The following NAALADL2 variants were observed in gnomAD, a reference collection of about 807,000 sequenced individuals.
The protein encoded by NAALADL2 is inactive N-acetylated-alpha-linked acidic dipeptidase-like protein 2.
A neutral mutation model predicts 87.2 loss-of-function variants in NAALADL2; 76 were observed. That is an observed-to-expected ratio of 0.87 (90% CI 0.72 to 1.05). The LOEUF (loss-of-function observed/expected upper bound fraction) is 1.05. NAALADL2 is among the 50% of genes least tolerant of loss of function. The pLI, the probability that NAALADL2 is intolerant of heterozygous loss-of-function variation, is 0.00. For synonymous variants in NAALADL2, 354 were observed against 331.0 expected (o/e 1.07, Z -0.75); for missense variants, 1,089 against 945.8 (o/e 1.15, Z -1.99).
intron 11 of NAALADL2, among the ~76,000 whole-genome samples, chr3:175,635,403 C>G (rs1259066335): frequency 6.6e-6 from 1 of 151,924 alleles, no homozygotes; most frequent in South Asian, 2.1e-4. Flanking sequence ...GGCTGCTATT[C>G]TTTTATCATA....
intron 13 of NAALADL2, among the ~76,000 whole-genome samples, chr3:175,763,662 G>A (rs1748325446): frequency 6.6e-6 from 1 of 152,114 alleles, no homozygotes; most frequent in African/African-American, 2.4e-5. Context: ...AATGACAAAG[G>A]ATTTCTATTA....
chr3:175,045,126 T>G (rs1357552058), intron 1 of NAALADL2, among the ~76,000 whole-genome samples: 1 of 152,106 alleles, frequency 6.6e-6, no homozygotes, highest in African/African-American at 2.4e-5. Flanking sequence ...TTATTGGTAT[T>G]TTGTGGAAAA....
chr3:174,509,400 CTTTCTTT>C (rs1719439818), intron 1 of NAALADL2, among the ~76,000 whole-genome samples: 2 of 77,314 alleles, frequency 2.6e-5, no homozygotes, highest in African/African-American at 4.1e-5. Flanking sequence ...CTCTTCCTTT[CTTTCTTT>C]TTTTTTTTTT....
intron 3 of NAALADL2, among the ~76,000 whole-genome samples, chr3:174,770,984 G>C (rs997518187): frequency 6.6e-6 from 1 of 151,928 alleles, no homozygotes; most frequent in African/African-American, 2.4e-5. Context: ...AAGCCTTTTT[G>C]TTAAAAGATA....
intron 1 of NAALADL2, among the ~76,000 whole-genome samples, chr3:175,086,539 T>G (rs1262489138): frequency 6.6e-6 from 1 of 152,180 alleles, no homozygotes; most frequent in Non-Finnish European, 1.5e-5. Context: ...AATAAATGAC[T>G]TTTCAAAGAT....
At chr3:175,611,626 G>A (rs1050943865) in intron 10 of NAALADL2, among the ~76,000 whole-genome samples, 2 of 152,186 alleles carry the variant, frequency 1.3e-5, no homozygotes, top group East Asian at 3.9e-4. Context: ...AATTAGGACT[G>A]GAGAAAATCG....
intron 1 of NAALADL2, among the ~76,000 whole-genome samples, chr3:174,961,238 C>G (rs1358067414): frequency 6.6e-6 from 1 of 151,152 alleles, no homozygotes. Context: ...CCCACCTTGA[C>G]CTTCCAAAGC....
chr3:174,963,573 C>G (rs1174784303), intron 1 of NAALADL2, among the ~76,000 whole-genome samples: 2 of 152,058 alleles, frequency 1.3e-5, no homozygotes, highest in African/African-American at 4.8e-5. Context: ...ATCTTCATCC[C>G]CATGTACATG....
intron 1 of NAALADL2, among the ~76,000 whole-genome samples, chr3:174,923,355 TAAG>T (rs1304249103): frequency 2.6e-5 from 4 of 152,216 alleles, no homozygotes; most frequent in Non-Finnish European, 2.9e-5. Flanking sequence ...GTGCAATAAA[TAAG>T]AAACCAATAA....
intron 11 of NAALADL2, among the ~76,000 whole-genome samples, chr3:175,634,879 T>C (rs984357759): frequency 1.3e-5 from 2 of 152,040 alleles, no homozygotes; most frequent in Non-Finnish European, 2.9e-5. Flanking sequence ...GACGTCTCCA[T>C]AGAGATTTGT....
chr3:174,462,756 G>A (rs1046544019), intron 1 of NAALADL2, among the ~76,000 whole-genome samples: 2 of 152,298 alleles, frequency 1.3e-5, no homozygotes, highest in South Asian at 4.1e-4. Context: ...GCAGCGACTA[G>A]CTAAAGTAAG....
chr3:174,983,185 A>G (rs1358330803), intron 1 of NAALADL2, among the ~76,000 whole-genome samples: 1 of 152,206 alleles, frequency 6.6e-6, no homozygotes, highest in Non-Finnish European at 1.5e-5. Context: ...TTGGTCAGGA[A>G]GTAAAAGGAA....
intron 5 of NAALADL2, among the ~76,000 whole-genome samples, chr3:175,383,113 T>C (rs2148992214): frequency 6.6e-6 from 1 of 152,210 alleles, no homozygotes; most frequent in Middle Eastern, 3.4e-3. Context: ...AAGCATACAA[T>C]GTGTAATGAT....
intron 11 of NAALADL2, among the ~76,000 whole-genome samples, chr3:175,716,710 G>T (rs1019679614): frequency 6.6e-6 from 1 of 152,134 alleles, no homozygotes; most frequent in Non-Finnish European, 1.5e-5. Flanking sequence ...CAGGATGCTG[G>T]CTGGTATTTG....
At chr3:174,894,162 T>C (rs1166752458) in intron 1 of NAALADL2, among the ~76,000 whole-genome samples, 1 of 152,132 alleles carries the variant, frequency 6.6e-6, no homozygotes, top group Admixed American at 6.5e-5. Flanking sequence ...CAATTTTAAA[T>C]ATATATATGC....
intron 1 of NAALADL2, among the ~76,000 whole-genome samples, chr3:174,962,318 A>G (rs1158368416): frequency 1.5e-5 from 2 of 134,178 alleles, no homozygotes; most frequent in South Asian, 2.3e-4. Flanking sequence ...TTTCAGCTGT[A>G]TTAACACCAA....
Position 175,219,725 on chromosome 3 carries a change from G to C in NAALADL2, c.546-14206G>C, listed in dbSNP as rs368898025. Among the ~76,000 whole-genome samples the C allele has an allele frequency of 3.2e-3, 492 of 151,918 alleles. 1 individual carries two copies. The highest frequency in any genetic ancestry group is 0.012 in the African/African-American group (481 of 41,490). ...TTCTGTTGCTTTGTTCTACTTGTCT[G>C]TTTGGCATCATAGTGCAAGTCAAAT... On this transcript the variant is annotated intron_variant, in intron 2 of 13. Coordinates refer to ENST00000454872, the MANE Select transcript of NAALADL2 (RefSeq NM_207015.3).
intron 3 of NAALADL2, among the ~76,000 whole-genome samples, chr3:174,815,054 C>G (rs1463452439): frequency 6.6e-6 from 1 of 152,088 alleles, no homozygotes; most frequent in African/African-American, 2.4e-5. Flanking sequence ...TTTTCTTTAG[C>G]TCATGTGCTG....
intron 11 of NAALADL2, among the ~76,000 whole-genome samples, chr3:175,665,153 G>A (rs1026663490): frequency 6.6e-6 from 1 of 152,138 alleles, no homozygotes; most frequent in African/African-American, 2.4e-5. Context: ...CATGATGTAA[G>A]CTCAGTGGAA....
Sources: allele counts gnomAD v4.1 joint callset (sites outside exome capture counted in the v4.1 genomes callset), GRCh38; gene constraint gnomAD v4.1.1; transcripts MANE v1.5; gene names NCBI Gene and HGNC (gene_info 2026-07-23, HGNC 2026-07-21).